CPPED1: variants seen among roughly 807,000 people sequenced by gnomAD.
The protein encoded by CPPED1 is serine/threonine-protein phosphatase CPPED1.
A neutral mutation model predicts 28.0 loss-of-function variants in CPPED1; 28 were observed. That is an observed-to-expected ratio of 1.00 (90% CI 0.74 to 1.37). The LOEUF (loss-of-function observed/expected upper bound fraction) is 1.37. Ranked by LOEUF, CPPED1 falls within the 40% of genes most tolerant of loss-of-function variation. The pLI is 0.00. For missense variants in CPPED1, 504 were observed against 416.5 expected (o/e 1.21, Z -1.83); for synonymous variants, 198 against 180.2 (o/e 1.10, Z -0.79).
chr16:12,720,102 C>A lies in CPPED1; in HGVS notation c.290-15053G>T, dbSNP rs2141197594. Among the ~76,000 whole-genome samples, 3 of 152,226 alleles carry A rather than the reference C, an allele frequency of 2.0e-5. No homozygotes were observed. The South Asian group carries it at 6.2e-4, about 32-fold the overall frequency. ...ATGACTTCATATAGTTCTGGACAGGCCTAGACAGGAGAGCACAGATGCCTT... is the reference window on the plus strand; with the variant it reads ...ATGACTTCATATAGTTCTGGACAGGACTAGACAGGAGAGCACAGATGCCTT... On this transcript the variant is annotated intron_variant, in intron 2 of 3. Transcript: ENST00000381774.
intron 2 of CPPED1, among the ~76,000 whole-genome samples, chr16:12,777,142 G>A (rs890777979): frequency 2.0e-5 from 3 of 152,202 alleles, no homozygotes; most frequent in African/African-American, 7.2e-5. Flanking sequence ...CTAAGTCACA[G>A]AATAGTTGCC....
At chr16:12,699,992 C>T (rs2080012077) in intron 3 of CPPED1, among the ~76,000 whole-genome samples, 1 of 152,196 alleles carries the variant, frequency 6.6e-6, no homozygotes, top group African/African-American at 2.4e-5. Context: ...CAAGAGCGCC[C>T]ACCTACATGA....
chr16:12,763,046 T>C lies in CPPED1; in HGVS notation c.289+18139A>G, dbSNP rs187192395. Among the ~76,000 whole-genome samples the C allele has an allele frequency of 4.1e-3, 622 of 151,972 alleles. 6 individuals carry two copies. Among genetic ancestry groups the C allele is most frequent in the Middle Eastern group, 0.02 (6 of 294 alleles). ...GAGTTCAAGACCAGCCTGGCCAACA[T>C]GGTAAAACCCCATCTCTATTCTAAA... On this transcript the variant is annotated intron_variant, in intron 2 of 3. Transcript: ENST00000381774.
chr16:12,766,004 G>T (rs918795358), intron 2 of CPPED1, among the ~76,000 whole-genome samples: 3 of 151,944 alleles, frequency 2.0e-5, no homozygotes, highest in African/African-American at 7.3e-5. Flanking sequence ...AGTGTTTAGA[G>T]CAAAAACAAT....
At chr16:12,740,495 C>T (rs1203618046) in intron 2 of CPPED1, among the ~76,000 whole-genome samples, 1 of 151,968 alleles carries the variant, frequency 6.6e-6, no homozygotes, top group Non-Finnish European at 1.5e-5. Flanking sequence ...AAAAGTATTC[C>T]TAGTGCATAC....
At chr16:12,733,975 G>T (rs1307769319) in intron 2 of CPPED1, among the ~76,000 whole-genome samples, 1 of 146,150 alleles carries the variant, frequency 6.8e-6, no homozygotes, top group East Asian at 2.1e-4. Context: ...ATAACCTGTA[G>T]AAAGCATTAC....
chr16:12,779,037 T>A (rs1330096140), intron 2 of CPPED1, among the ~76,000 whole-genome samples: 1 of 152,204 alleles, frequency 6.6e-6, no homozygotes, highest in Non-Finnish European at 1.5e-5. Flanking sequence ...AAAAGCAACA[T>A]AATTGCATGA....
intron 1 of CPPED1, among the ~76,000 whole-genome samples, chr16:12,796,842 CA>C (rs976442194): frequency 6.8e-5 from 10 of 146,818 alleles, no homozygotes; most frequent in East Asian, 2.0e-4. Flanking sequence ...CCATCAGTGT[CA>C]AAAAAAAAAT....
chr16:12,786,322 C>A (rs1362152848), intron 1 of CPPED1, among the ~76,000 whole-genome samples: 1 of 152,216 alleles, frequency 6.6e-6, no homozygotes, highest in Non-Finnish European at 1.5e-5. Context: ...AGCCTACATA[C>A]AACTAACCAA....
chr16:12,761,456 T>G (rs1012102963), intron 2 of CPPED1, among the ~76,000 whole-genome samples: 3 of 152,144 alleles, frequency 2.0e-5, no homozygotes, highest in African/African-American at 7.2e-5. Flanking sequence ...TACAACTATT[T>G]CATAATAAAA....
chr16:12,758,176 T>C (rs1350222995), intron 2 of CPPED1, among the ~76,000 whole-genome samples: 4 of 152,106 alleles, frequency 2.6e-5, no homozygotes, highest in Non-Finnish European at 5.9e-5. Flanking sequence ...CATCACTCCA[T>C]TACTGCCACC....
At chr16:12,771,074 AT>A (rs1567302399) in intron 2 of CPPED1, among the ~76,000 whole-genome samples, 1 of 152,248 alleles carries the variant, frequency 6.6e-6, no homozygotes, top group East Asian at 1.9e-4. Context: ...TAAAGTAACA[AT>A]AAAAAGATCC....
chr16:12,685,469 A>C (rs1179076759), intron 3 of CPPED1, among the ~76,000 whole-genome samples: 1 of 152,218 alleles, frequency 6.6e-6, no homozygotes, highest in Non-Finnish European at 1.5e-5. Context: ...ATAAATGAAT[A>C]AAATGATAAT....
intron 1 of CPPED1, among the ~76,000 whole-genome samples, chr16:12,783,426 G>A (rs528410743): frequency 3.4e-4 from 51 of 151,916 alleles, no homozygotes; most frequent in East Asian, 1.4e-3. Context: ...TTTAACCTGG[G>A]AGGCGGAAAC....
intron 2 of CPPED1, among the ~76,000 whole-genome samples, chr16:12,766,449 AAAAT>A (rs2080440152): frequency 9.6e-6 from 1 of 104,140 alleles, no homozygotes; most frequent in Non-Finnish European, 1.9e-5. Context: ...CAGCAAGAGA[AAAAT>A]GAGGAAGATG....
At chr16:12,717,768 A>G (rs2080115212) in intron 2 of CPPED1, among the ~76,000 whole-genome samples, 1 of 152,052 alleles carries the variant, frequency 6.6e-6, no homozygotes, top group Non-Finnish European at 1.5e-5. Context: ...CAGCCTCCCA[A>G]GTAGCTGGGA....
At chr16:12,699,692 T>G (rs1425539510) in intron 3 of CPPED1, among the ~76,000 whole-genome samples, 1 of 152,144 alleles carries the variant, frequency 6.6e-6, no homozygotes, top group Non-Finnish European at 1.5e-5. Flanking sequence ...TAATTAAAAG[T>G]TACCCTGATA....
chr16:12,782,552 T>G (rs576008342), intron 1 of CPPED1, among the ~76,000 whole-genome samples: 92 of 151,082 alleles, frequency 6.1e-4, no homozygotes, highest in African/African-American at 9.0e-4. Flanking sequence ...GGCTGTTTTT[T>G]TTTTTTTTTT....
At chr16:12,741,811 G>T (rs1696050283) in intron 2 of CPPED1, among the ~76,000 whole-genome samples, 1 of 152,210 alleles carries the variant, frequency 6.6e-6, no homozygotes, top group African/African-American at 2.4e-5. Flanking sequence ...AGTTCTTTGG[G>T]AGGCCGAGGC....
Sources: gnomAD v4.1 joint callset for allele counts (sites outside exome capture counted in the v4.1 genomes callset) on GRCh38, gnomAD v4.1.1 for gene constraint, MANE v1.5 for transcripts, NCBI Gene and HGNC (gene_info 2026-07-23, HGNC 2026-07-21) for gene names.